MEGF9: variants seen among roughly 807,000 people sequenced by gnomAD.
MEGF9 encodes multiple EGF like domains 9.
In MEGF9, 6 loss-of-function variants were observed where a neutral mutation model predicts 46.8. The ratio of observed to expected loss-of-function variants is 0.13; its 90% confidence interval spans 0.07 to 0.25. The LOEUF is 0.25. Among genes scored for constraint, MEGF9 ranks in the 10% least tolerant of loss-of-function variants. The pLI is 1.00. For missense variants in MEGF9, 683 were observed against 792.4 expected (o/e 0.86, Z 1.66); for synonymous variants, 302 against 330.7 (o/e 0.91, Z 0.94).
intron 1 of MEGF9, among the ~76,000 whole-genome samples, chr9:120,711,840 TACATACACACACACACACAC>T (rs774376677): frequency 0.021 from 2,892 of 139,236 alleles, 45 homozygotes; most frequent in Non-Finnish European, 0.027. Context: ...TATACATACA[TACATACACACACACACACAC>T]ACACACACAC....
chr9:120,689,918 T>A (rs1450089992), intron 1 of MEGF9: 1 of 529,538 alleles, frequency 1.9e-6, no homozygotes, highest in Non-Finnish European at 3.9e-6. Flanking sequence ...CCATAACAAT[T>A]TTTCTACCCG....
Position 120,604,979 on chromosome 9 carries a change from A to C in MEGF9, c.*211T>G. 1 of 582,300 alleles carries C rather than the reference A, an allele frequency of 1.7e-6. No homozygotes were observed. Among genetic ancestry groups the C allele is most frequent in the Non-Finnish European group, 3.0e-6 (1 of 333,438 alleles). The allele number at this position is 582,300 out of a possible 1,614,324, so 36.1% of individuals were successfully genotyped here. A position where few individuals can be genotyped will look rare whatever the true frequency, so the allele number is the denominator to read the frequency against. On this transcript the variant is annotated 3_prime_UTR_variant, in exon 6 of 6. Transcript: ENST00000373930. ...TTGGTACAAAAATATACTTTACTTCAAGTCCTAATGACAGTGAACGCTTCA... is the reference window on the plus strand; with the variant it reads ...TTGGTACAAAAATATACTTTACTTCCAGTCCTAATGACAGTGAACGCTTCA...
chr9:120,677,770 CTT>C (rs1175602776), intron 1 of MEGF9, among the ~76,000 whole-genome samples: 1 of 152,166 alleles, frequency 6.6e-6, no homozygotes, highest in Non-Finnish European at 1.5e-5. Flanking sequence ...AGGCAAAACA[CTT>C]ATCTTTTTGT....
chr9:120,631,474 T>C (rs956199760), intron 2 of MEGF9, among the ~76,000 whole-genome samples: 7 of 138,192 alleles, frequency 5.1e-5, no homozygotes, highest in Middle Eastern at 3.4e-3. Flanking sequence ...TGGTTCCATA[T>C]GAATTTGATT....
At chr9:120,688,988 A>G (rs1191248762) in intron 1 of MEGF9, among the ~76,000 whole-genome samples, 1 of 152,218 alleles carries the variant, frequency 6.6e-6, no homozygotes, top group Non-Finnish European at 1.5e-5. Flanking sequence ...GTTGTGCCAG[A>G]AATACAGACT....
chr9:120,640,461 C>CT (rs1304850162), intron 2 of MEGF9, among the ~76,000 whole-genome samples: 1 of 151,900 alleles, frequency 6.6e-6, no homozygotes, highest in African/African-American at 2.4e-5. Flanking sequence ...CTCTTCCCAT[C>CT]TAGAATGTCA....
intron 2 of MEGF9, among the ~76,000 whole-genome samples, chr9:120,647,935 TTC>T (rs1221588156): frequency 6.6e-6 from 1 of 151,170 alleles, no homozygotes; most frequent in African/African-American, 2.5e-5. Context: ...CTCTTTCTCT[TTC>T]TCTCTCTCTC....
rs571827236 is a variant in MEGF9, at chr9:120,679,503, T to A, written c.602-19928A>T. Among the ~76,000 whole-genome samples the A allele has an allele frequency of 2.0e-5, 3 of 151,688 alleles. No individual in the cohort carries two copies. The East Asian group carries it at 5.8e-4, about 29-fold the overall frequency. On this transcript the variant is annotated intron_variant, in intron 1 of 5. Coordinates refer to ENST00000373930, the MANE Select transcript of MEGF9 (RefSeq NM_001080497.3). ...GTGGGGGGAGGGGGAAGGGATTGCA[T>A]TAGGAGACATACTTAATGTAAATGA...
intron 2 of MEGF9, among the ~76,000 whole-genome samples, chr9:120,636,567 C>T (rs1317756888): frequency 6.6e-6 from 1 of 152,182 alleles, no homozygotes; most frequent in Non-Finnish European, 1.5e-5. Flanking sequence ...AACTTAAAGG[C>T]ATAAAAATCA....
At chr9:120,713,629 C>T (rs2043963056) in intron 1 of MEGF9, 129 bp downstream of exon 1, 1 of 1,201,882 alleles carries the variant, frequency 8.3e-7, no homozygotes, top group Non-Finnish European at 1.0e-6. Flanking sequence ...ACCTGGGATC[C>T]CCCCTCGGGA....
chr9:120,617,129 G>A (rs1186828143), intron 3 of MEGF9, among the ~76,000 whole-genome samples: 1 of 152,002 alleles, frequency 6.6e-6, no homozygotes, highest in African/African-American at 2.4e-5. Context: ...ATGGCCAAAG[G>A]GTGGATCAAA....
chr9:120,622,628 C>T lies in MEGF9; in HGVS notation c.931G>A (p.Asp311Asn), dbSNP rs373426818. Residue 311 changes from aspartate (D) to asparagine (N), a missense_variant, in exon 3 of 6, where the codon GAT (aspartate) becomes AAT (asparagine). By Grantham distance (23) the Asp-to-Asn change is conservative. Transcript: ENST00000373930. ...CQCNNRSASC[D>N]ALTGACLNCQ... ...GGAAAGTACGTACCTGTGAGGGCAT[C>T]GCAACTGGCAGACCGATTATTGCAT... The T allele has an allele frequency of 7.4e-6, 12 of 1,613,508 alleles. No individual in the cohort carries two copies. Among genetic ancestry groups the T allele is most frequent in the Admixed American group, 1.7e-5 (1 of 59,940 alleles).
At chr9:120,690,005 C>G (rs764712227) in intron 1 of MEGF9, 1 of 525,368 alleles carries the variant, frequency 1.9e-6, no homozygotes, top group Admixed American at 2.0e-5. Context: ...GCTGAATAAA[C>G]AAAGACAGAC....
chr9:120,631,153 G>T (rs1280923787), intron 2 of MEGF9, among the ~76,000 whole-genome samples: 3 of 152,108 alleles, frequency 2.0e-5, no homozygotes, highest in Non-Finnish European at 2.9e-5. Context: ...AACGATTTTT[G>T]TATATGGTGA....
intron 2 of MEGF9, among the ~76,000 whole-genome samples, chr9:120,628,736 T>C (rs2043538107): frequency 6.6e-6 from 1 of 152,158 alleles, no homozygotes; most frequent in South Asian, 2.1e-4. Flanking sequence ...TTTTATTATA[T>C]TGGACAGTGG....
At chr9:120,706,573 AC>A (rs2043929785) in intron 1 of MEGF9, among the ~76,000 whole-genome samples, 1 of 152,242 alleles carries the variant, frequency 6.6e-6, no homozygotes, top group African/African-American at 2.4e-5. Flanking sequence ...GGTGTCTCAC[AC>A]CTGTAATCCC....
At chr9:120,629,387 C>G (rs2043540816) in intron 2 of MEGF9, among the ~76,000 whole-genome samples, 1 of 152,094 alleles carries the variant, frequency 6.6e-6, no homozygotes, top group African/African-American at 2.4e-5. Context: ...TGCCTGTAAT[C>G]CCAGCACTTT....
At chr9:120,671,932 T>C (rs1365281417) in intron 1 of MEGF9, among the ~76,000 whole-genome samples, 1 of 152,210 alleles carries the variant, frequency 6.6e-6, no homozygotes, top group Non-Finnish European at 1.5e-5. Flanking sequence ...TGGGATTTAT[T>C]CCAGAAATAC....
intron 3 of MEGF9, among the ~76,000 whole-genome samples, chr9:120,614,114 T>C (rs981283057): frequency 6.6e-6 from 1 of 152,056 alleles, no homozygotes; most frequent in Non-Finnish European, 1.5e-5. Flanking sequence ...AACCTCCATC[T>C]TCAGGTTCAA....
Sources: allele counts gnomAD v4.1 joint callset (sites outside exome capture counted in the v4.1 genomes callset), GRCh38; gene constraint gnomAD v4.1.1; transcripts MANE v1.5; gene names NCBI Gene and HGNC (gene_info 2026-07-23, HGNC 2026-07-21).